PDE4D: variants seen among roughly 807,000 people sequenced by gnomAD.
The protein encoded by PDE4D is phosphodiesterase 4D, also known as 3',5'-cyclic-AMP phosphodiesterase 4D.
Under a neutral mutation model 87.4 loss-of-function variants are expected in PDE4D, and 24 were observed. The ratio of observed to expected loss-of-function variants is 0.27; its 90% CI spans 0.20 to 0.39. PDE4D has a LOEUF of 0.39. Among genes scored for constraint, PDE4D ranks in the 10% least tolerant of loss-of-function variants. The pLI is 1.00. For missense variants in PDE4D, 714 were observed against 1,041.0 expected, an observed-to-expected ratio of 0.69 and a Z score of 4.32; for synonymous variants, 384 against 383.2, an observed-to-expected ratio of 1.00 and a Z score of -0.02.
intron 1 of PDE4D, among the ~76,000 whole-genome samples, chr5:59,351,886 A>G (rs1437574334): frequency 9.9e-5 from 15 of 152,176 alleles, no homozygotes; most frequent in Admixed American, 9.8e-4. Flanking sequence ...AAGATAGTAC[A>G]TCTGTTAGAA....
At chr5:59,166,882 C>T (rs866385059) in intron 5 of PDE4D, among the ~76,000 whole-genome samples, 18 of 152,184 alleles carry the variant, frequency 1.2e-4, no homozygotes, top group African/African-American at 4.3e-4. Context: ...TTCCAAAATG[C>T]TTTCAGCAAT....
intron 1 of PDE4D, among the ~76,000 whole-genome samples, chr5:60,479,189 A>G (rs1314166837): frequency 2.6e-5 from 4 of 152,220 alleles, no homozygotes; most frequent in Non-Finnish European, 4.4e-5. Flanking sequence ...AAAGGACAAC[A>G]GACATATTTA....
chr5:60,437,154 A>G (rs1329457182), intron 1 of PDE4D, among the ~76,000 whole-genome samples: 1 of 152,054 alleles, frequency 6.6e-6, no homozygotes, highest in Non-Finnish European at 1.5e-5. Context: ...ATAGTTGAAC[A>G]TATGTGAACC....
intron 2 of PDE4D, among the ~76,000 whole-genome samples, chr5:60,008,632 G>A (rs1469352749): frequency 6.6e-6 from 1 of 151,920 alleles, no homozygotes; most frequent in Non-Finnish European, 1.5e-5. Context: ...TAAATTTACA[G>A]CCAAATCATT....
At chr5:60,349,610 G>A (rs1443337976) in intron 1 of PDE4D, among the ~76,000 whole-genome samples, 1 of 152,102 alleles carries the variant, frequency 6.6e-6, no homozygotes, top group African/African-American at 2.4e-5. Context: ...CTGGAAGAAG[G>A]TAAGAGGACT....
chr5:60,070,854 T>C (rs1582500132), intron 2 of PDE4D, among the ~76,000 whole-genome samples: 1 of 152,204 alleles, frequency 6.6e-6, no homozygotes, highest in East Asian at 1.9e-4. Flanking sequence ...TTTCAATATC[T>C]ATACTAGTTA....
rs183896742 is a variant in PDE4D at position 59,402,815 on chromosome 5, A to G, written c.456-186847T>C. Among the ~76,000 whole-genome samples, 375 of 152,032 alleles carry G rather than the reference A, an allele frequency of 2.5e-3. 3 individuals are homozygous for G. Among genetic ancestry groups the G allele is most frequent in the Middle Eastern group, 0.024 (7 of 294 alleles). On this transcript the variant is annotated intron_variant, in intron 1 of 14. Coordinates refer to ENST00000340635, the MANE Select transcript of PDE4D (RefSeq NM_001104631.2). ...ATTCCATATTTCTAACTGACTTTCT[A>G]TTATGAATGATGAAGATTTCACACT...
intron 1 of PDE4D, among the ~76,000 whole-genome samples, chr5:60,338,297 CAG>C (rs1757996158): frequency 6.6e-6 from 1 of 152,162 alleles, no homozygotes; most frequent in Non-Finnish European, 1.5e-5. Context: ...TCACTAAGGA[CAG>C]AAAATGAGCA....
chr5:59,185,065 T>C (rs1742575858), intron 4 of PDE4D, 124 bp downstream of exon 4: 2 of 642,102 alleles, frequency 3.1e-6, no homozygotes, highest in East Asian at 5.5e-5. Context: ...TCATATGACT[T>C]AGTATACACA....
chr5:59,808,979 CT>C (rs374382581), intron 1 of PDE4D, among the ~76,000 whole-genome samples: 1,825 of 152,024 alleles, frequency 0.012, 44 homozygotes, highest in African/African-American at 0.042. Flanking sequence ...TTCTTGCATT[CT>C]TTTTTTTGGC....
intron 1 of PDE4D, among the ~76,000 whole-genome samples, chr5:59,666,604 A>G (rs1219709267): frequency 6.6e-6 from 1 of 152,202 alleles, no homozygotes; most frequent in Non-Finnish European, 1.5e-5. Context: ...CTGCATTTGG[A>G]TGCTGTTGCT....
chr5:59,434,075 T>TTATCATCTGTTAATGACCACA (rs1796480099), intron 1 of PDE4D, among the ~76,000 whole-genome samples: 2 of 131,290 alleles, frequency 1.5e-5, no homozygotes. Flanking sequence ...CTTTAGGATG[T>TTATCATCTGTTAATGACCACA]TCCTAAAGAA....
At chr5:59,942,299 GTCT>G (rs1228008171) in intron 3 of PDE4D, among the ~76,000 whole-genome samples, 1 of 152,188 alleles carries the variant, frequency 6.6e-6, no homozygotes, top group Non-Finnish European at 1.5e-5. Flanking sequence ...TATGCCAAAA[GTCT>G]TCTCTCTCTG....
At chr5:60,276,743 C>A (rs542126758) in intron 1 of PDE4D, among the ~76,000 whole-genome samples, 17 of 152,012 alleles carry the variant, frequency 1.1e-4, no homozygotes, top group Non-Finnish European at 1.8e-4. Flanking sequence ...CTTGATTAAA[C>A]TTGTTAAATT....
At chr5:59,519,621 AT>A in intron 1 of PDE4D, among the ~76,000 whole-genome samples, 1 of 152,192 alleles carries the variant, frequency 6.6e-6, no homozygotes, top group South Asian at 2.1e-4. Flanking sequence ...GTAGACATAG[AT>A]CATGTAGAAG....
chr5:60,160,691 C>T, intron 2 of PDE4D: 1 of 301,644 alleles, frequency 3.3e-6, no homozygotes, highest in South Asian at 2.8e-5. Context: ...TTCCTCAGTA[C>T]TTTGACTATC....
At position 59,359,690 on chromosome 5, in the gene PDE4D, A is replaced by G. The variant is rs530468171; in HGVS notation, c.456-143722T>C. On this transcript the variant is annotated intron_variant, in intron 1 of 14. Coordinates refer to ENST00000340635, the MANE Select transcript of PDE4D (RefSeq NM_001104631.2). ...ACAAGCTGTTTATAATTTTTACTTC[A>G]TGGGTATCAAAGAGTATAAAAGAAC... Among the ~76,000 whole-genome samples the G allele has an allele frequency of 2.6e-5, 4 of 152,328 alleles. No individual in the cohort carries two copies. In the South Asian group the frequency reaches 6.2e-4, roughly 24 times the overall value.
At chr5:59,099,996 T>C (rs1269566912) in intron 5 of PDE4D, among the ~76,000 whole-genome samples, 4 of 151,972 alleles carry the variant, frequency 2.6e-5, no homozygotes, top group East Asian at 3.8e-4. Context: ...GCCAATACTT[T>C]CTTTATTTTC....
chr5:60,290,070 T>C (rs1752753208), intron 1 of PDE4D, among the ~76,000 whole-genome samples: 1 of 152,208 alleles, frequency 6.6e-6, no homozygotes, highest in Non-Finnish European at 1.5e-5. Context: ...GGTACTCATA[T>C]GTGTAAGTAG....
Sources: allele counts gnomAD v4.1 joint callset (sites outside exome capture counted in the v4.1 genomes callset), GRCh38; gene constraint gnomAD v4.1.1; transcripts MANE v1.5; gene names NCBI Gene and HGNC (gene_info 2026-07-23, HGNC 2026-07-21).